Variants in MICU2 observed in about 807,000 individuals in gnomAD.
MICU2 encodes calcium uptake protein 2, mitochondrial.
A neutral mutation model predicts 60.4 loss-of-function variants in MICU2; 64 were observed. The observed-to-expected ratio is 1.06, with a 90% confidence interval of 0.87 to 1.31. The LOEUF is 1.31. Ranked by LOEUF, MICU2 falls within the 50% of genes most tolerant of loss-of-function variation. The pLI is 0.00. For synonymous variants in MICU2, 201 were observed against 175.0 expected, an observed-to-expected ratio of 1.15 and a Z score of -1.17; for missense variants, 569 against 531.0, an observed-to-expected ratio of 1.07 and a Z score of -0.70.
At chr13:21,568,195 C>T (rs993786875) in intron 1 of MICU2, among the ~76,000 whole-genome samples, 4 of 152,164 alleles carry the variant, frequency 2.6e-5, no homozygotes, top group African/African-American at 9.7e-5. Flanking sequence ...AACATGAATT[C>T]CAGTTGCTTA....
At chr13:21,567,410 G>T (rs909202225) in intron 1 of MICU2, among the ~76,000 whole-genome samples, 7 of 152,070 alleles carry the variant, frequency 4.6e-5, no homozygotes, top group African/African-American at 1.7e-4. Flanking sequence ...AGCTTGGTGT[G>T]GTCAAGGAAC....
chr13:21,604,141 G>A lies in MICU2; in HGVS notation c.8C>T (p.Ala3Val), dbSNP rs751781008. The A allele has an allele frequency of 5.1e-6, 8 of 1,556,940 alleles. No individual in the cohort carries two copies. Among genetic ancestry groups the A allele is most frequent in the African/African-American group, 4.2e-5 (3 of 71,940 alleles). ...CACCCGCGCGCAGCTACCCGCAGCC[G>A]CCGCCATCTTTGCGGAAGCGCAGCT... The part of the protein sequence containing the change: MA[A>V]AAGSCARVAA... The change falls in exon 1 of 12, where the codon GCG becomes GTG. Residue 3 changes from alanine (A) to valine (V), a missense_variant. Transcript: ENST00000382374.
chr13:21,577,103 G>A (rs993565147), intron 1 of MICU2, among the ~76,000 whole-genome samples: 4 of 152,308 alleles, frequency 2.6e-5, no homozygotes, highest in Admixed American at 2.0e-4. Context: ...CAAAACGTGT[G>A]TAAAACAAAT....
chr13:21,591,267 AAAAAAAG>A lies in MICU2; in HGVS notation c.210+12665_210+12671del, dbSNP rs200592837. Among the ~76,000 whole-genome samples, 1,193 of 151,514 alleles carry A rather than the reference AAAAAAAG, an allele frequency of 7.9e-3. 19 individuals carry two copies. The highest frequency in any genetic ancestry group is 0.028 in the African/African-American group (1,132 of 40,892). ...AAACAGACCTTAAATCAACAAAGAC[AAAAAAAG>A]ACAAAGAAGGGCATTACATAATGGT... On this transcript the variant is annotated intron_variant, in intron 1 of 11. Coordinates refer to ENST00000382374, the MANE Select transcript of MICU2 (RefSeq NM_152726.3).
chr13:21,510,445 T>C (rs1223097517), intron 7 of MICU2, among the ~76,000 whole-genome samples: 1 of 152,194 alleles, frequency 6.6e-6, no homozygotes, highest in Non-Finnish European at 1.5e-5. Flanking sequence ...GAAGCAGCAC[T>C]GAGAGAGTTA....
rs1221268195 is a variant in MICU2, at chr13:21,502,921, C to G, written c.933+5G>C. On this transcript the variant is annotated splice_donor_5th_base_variant and intron_variant, in intron 9 of 11. Coordinates refer to ENST00000382374, the MANE Select transcript of MICU2 (RefSeq NM_152726.3). Reference sequence around the variant, plus strand: ...ATCACATGCATAATAAAAGGGTATACCAACCTCTCCTGCTGACAACTTCTC... The same window carrying G: ...ATCACATGCATAATAAAAGGGTATAGCAACCTCTCCTGCTGACAACTTCTC... 6.2e-7 allele frequency: 1 copy of G among 1,606,146 alleles called. No individual in the cohort carries two copies. Among genetic ancestry groups the G allele is most frequent in the Non-Finnish European group, 8.5e-7 (1 of 1,177,732 alleles).
chr13:21,545,823 A>G (rs1394996540), intron 2 of MICU2, among the ~76,000 whole-genome samples: 4 of 147,568 alleles, frequency 2.7e-5, no homozygotes, highest in African/African-American at 9.7e-5. Flanking sequence ...CTAGTGTTCT[A>G]TATACCACTG....
chr13:21,531,653 A>G (rs1246525851), intron 4 of MICU2, among the ~76,000 whole-genome samples: 1 of 152,220 alleles, frequency 6.6e-6, no homozygotes, highest in Non-Finnish European at 1.5e-5. Flanking sequence ...TGTAGAAGTA[A>G]TAACTGCAGG....
intron 1 of MICU2, among the ~76,000 whole-genome samples, chr13:21,586,373 C>T (rs1165568780): frequency 1.3e-5 from 2 of 152,064 alleles, no homozygotes; most frequent in East Asian, 3.8e-4. Context: ...AAAAATATCC[C>T]TGCTGCTATG....
At chr13:21,519,555 A>C (rs1566145544) in intron 6 of MICU2, among the ~76,000 whole-genome samples, 1 of 152,098 alleles carries the variant, frequency 6.6e-6, no homozygotes, top group Non-Finnish European at 1.5e-5. Flanking sequence ...CTGCTCCCCA[A>C]GTCTCTGGTC....
intron 2 of MICU2, among the ~76,000 whole-genome samples, chr13:21,546,488 C>T (rs771391984): frequency 3.9e-5 from 6 of 151,958 alleles, no homozygotes; most frequent in Non-Finnish European, 7.4e-5. Context: ...CTTAAGTGTA[C>T]GAATTAGCTT....
intron 1 of MICU2, among the ~76,000 whole-genome samples, chr13:21,579,343 C>CTT (rs11372645): frequency 0.021 from 3,020 of 141,354 alleles, 89 homozygotes; most frequent in African/African-American, 0.057. Flanking sequence ...AAAGCTCTGC[C>CTT]TTTTTTTTTT....
At chr13:21,514,762 G>C (rs943587463) in intron 6 of MICU2, among the ~76,000 whole-genome samples, 2 of 150,558 alleles carry the variant, frequency 1.3e-5, no homozygotes, top group African/African-American at 4.9e-5. Flanking sequence ...GGATGGTCTC[G>C]ATCTCCTGAC....
chr13:21,561,018 T>C (rs888940559), intron 2 of MICU2, among the ~76,000 whole-genome samples: 3 of 152,226 alleles, frequency 2.0e-5, no homozygotes, highest in African/African-American at 7.2e-5. Flanking sequence ...GTTGAAAATA[T>C]TTTAAAATTT....
At chr13:21,513,972 G>C (rs577266559) in intron 7 of MICU2, among the ~76,000 whole-genome samples, 12 of 151,962 alleles carry the variant, frequency 7.9e-5, no homozygotes, top group Non-Finnish European at 1.6e-4. Context: ...TGAATGAGAG[G>C]GAAATTCTGC....
At chr13:21,530,853 C>G (rs1429540751) in intron 4 of MICU2, 3 of 730,990 alleles carry the variant, frequency 4.1e-6, no homozygotes, top group Non-Finnish European at 7.4e-6. Flanking sequence ...GGTTTCTGAG[C>G]CTGGACTCAC....
At chr13:21,553,643 A>G (rs1229803531) in intron 2 of MICU2, among the ~76,000 whole-genome samples, 2 of 152,196 alleles carry the variant, frequency 1.3e-5, no homozygotes, top group Non-Finnish European at 1.5e-5. Context: ...CAAAATAACC[A>G]GCTAACATCA....
intron 1 of MICU2, among the ~76,000 whole-genome samples, chr13:21,575,564 A>C (rs995174413): frequency 6.6e-6 from 1 of 151,746 alleles, no homozygotes; most frequent in Non-Finnish European, 1.5e-5. Context: ...ATCTACAAAA[A>C]AACACACAAA....
At chr13:21,579,722 T>C (rs1888306095) in intron 1 of MICU2, among the ~76,000 whole-genome samples, 1 of 152,228 alleles carries the variant, frequency 6.6e-6, no homozygotes, top group African/African-American at 2.4e-5. Context: ...AAAGTCTCCC[T>C]TTCTGCTTTT....
Sources: allele counts gnomAD v4.1 joint callset (sites outside exome capture counted in the v4.1 genomes callset), GRCh38; gene constraint gnomAD v4.1.1; transcripts MANE v1.5; gene names NCBI Gene and HGNC (gene_info 2026-07-23, HGNC 2026-07-21).